MADD: variants seen among roughly 807,000 people sequenced by gnomAD.
The protein encoded by MADD is MAP kinase activating death domain.
Under a neutral mutation model 176.7 loss-of-function variants are expected in MADD, and 109 were observed. The observed-to-expected ratio is 0.62, with a 90% CI of 0.53 to 0.72. The LOEUF is 0.72. Among genes scored for constraint, MADD ranks in the 30% least tolerant of loss-of-function variants. The probability of loss-of-function intolerance (pLI) is 0.00; values close to 1 mark genes in which losing one functional copy is unlikely to be tolerated. For missense variants in MADD, 1,914 were observed against 2,045.5 expected (o/e 0.94, Z 1.24); for synonymous variants, 771 against 771.3 (o/e 1.00, Z 0.01).
At chr11:47,324,609 T>G in intron 30 of MADD, 32 bp downstream of exon 33, 1 of 1,471,710 alleles carries the variant, frequency 6.8e-7, no homozygotes, top group Non-Finnish European at 9.5e-7. Context: ...AGGCTCCCTG[T>G]CGTTCCATCT....
At chr11:47,293,292 C>T (rs989767401) in intron 19 of MADD, among the ~76,000 whole-genome samples, 1 of 151,126 alleles carries the variant, frequency 6.6e-6, no homozygotes, top group African/African-American at 2.4e-5. Flanking sequence ...GACATTTGTT[C>T]GTGGAGCTTT....
At chr11:47,282,081 C>T (rs1278812417) in intron 8 of MADD, among the ~76,000 whole-genome samples, 2 of 151,898 alleles carry the variant, frequency 1.3e-5, no homozygotes, top group Non-Finnish European at 2.9e-5. Context: ...TTGATCCACC[C>T]GCCTTGTCCT....
chr11:47,327,695 G>A, intron 31 of MADD: 1 of 985,454 alleles, frequency 1.0e-6, no homozygotes, highest in Non-Finnish European at 1.2e-6. Context: ...ATGGCCTGGG[G>A]CTTCTTGCTC....
chr11:47,320,376 A>G (rs1185769889), intron 27 of MADD, among the ~76,000 whole-genome samples: 1 of 151,704 alleles, frequency 6.6e-6, no homozygotes, highest in African/African-American at 2.4e-5. Flanking sequence ...AATTGTTTGA[A>G]CCTGGGAGGC....
intron 7 of MADD, among the ~76,000 whole-genome samples, chr11:47,279,454 G>C (rs2054139985): frequency 7.0e-6 from 1 of 143,880 alleles, no homozygotes; most frequent in Non-Finnish European, 1.5e-5. Context: ...GCGCGATCTC[G>C]GCTCACTGCA....
At chr11:47,287,185 G>T (rs182630306) in intron 15 of MADD, among the ~76,000 whole-genome samples, 1 of 152,300 alleles carries the variant, frequency 6.6e-6, no homozygotes, top group Admixed American at 6.5e-5. Flanking sequence ...TTAGCCATCT[G>T]GTGTCACGCA....
rs537779415 is a variant in MADD at position 47,278,533 on chromosome 11, G to A, written c.1209+255G>A. On this transcript the variant is annotated intron_variant, in intron 6 of 32. Transcript: ENST00000402192. Reference sequence around the variant, plus strand: ...AGTGACCCCCCACCATATCCTCCAAGAGCAGTCAGACAGTTGTGATCTGAG... The same window carrying A: ...AGTGACCCCCCACCATATCCTCCAAAAGCAGTCAGACAGTTGTGATCTGAG... Among the ~76,000 whole-genome samples the A allele has an allele frequency of 4.7e-4, 71 of 152,122 alleles. 1 individual carries two copies. Among genetic ancestry groups the A allele is most frequent in the Non-Finnish European group, 8.2e-4 (56 of 68,022 alleles).
intron 20 of MADD, among the ~76,000 whole-genome samples, chr11:47,294,669 CA>C (rs58253961): frequency 0.12 from 6,610 of 55,892 alleles, 43 homozygotes; most frequent in Non-Finnish European, 0.14. Flanking sequence ...GACTCCGTCT[CA>C]AAAAAAAAAA....
chr11:47,318,221 A>AT (rs1187394807), intron 27 of MADD, among the ~76,000 whole-genome samples: 1 of 152,196 alleles, frequency 6.6e-6, no homozygotes, highest in Non-Finnish European at 1.5e-5. Context: ...GACCTAAGTA[A>AT]TTTTAAGGAC....
At chr11:47,300,233 G>A (rs1326793147) in intron 22 of MADD, among the ~76,000 whole-genome samples, 1 of 143,062 alleles carries the variant, frequency 7.0e-6, no homozygotes, top group Non-Finnish European at 1.5e-5. Flanking sequence ...TTAAGACGGA[G>A]TCTTGCTCTG....
chr11:47,320,741 G>A (rs183338893), intron 27 of MADD, among the ~76,000 whole-genome samples: 17 of 152,096 alleles, frequency 1.1e-4, no homozygotes, highest in Non-Finnish European at 2.4e-4. Flanking sequence ...GGGCAACATA[G>A]GGAAACCCCG....
At chr11:47,284,203 G>T (rs558934952) in exon 11 of MADD, 1 of 1,613,802 alleles carries the variant, frequency 6.2e-7, no homozygotes, top group South Asian at 1.1e-5. Flanking sequence ...GGATTATGAC[G>T]ATTCAAGCTC....
intron 29 of MADD, 44 bp downstream of exon 32, chr11:47,324,381 G>A: frequency 6.2e-7 from 1 of 1,609,532 alleles, no homozygotes; most frequent in Non-Finnish European, 8.5e-7. Flanking sequence ...GTTTCTACCA[G>A]TCCTTCTGAG....
intron 3 of MADD, among the ~76,000 whole-genome samples, chr11:47,275,492 T>C (rs1477199485): frequency 1.3e-5 from 2 of 152,202 alleles, no homozygotes; most frequent in African/African-American, 4.8e-5. Context: ...GGTTTCGCCA[T>C]GTTGGCCAGG....
exon 3 of MADD, chr11:47,274,794 C>T: frequency 6.2e-7 from 1 of 1,614,228 alleles, no homozygotes; most frequent in Non-Finnish European, 8.5e-7. Context: ...TTAACTTCTA[C>T]CGCTCCTTCC....
chr11:47,324,416 A>G (rs773109907), intron 29 of MADD, 55 bp from the exon 33 acceptor site: 5 of 1,597,478 alleles, frequency 3.1e-6, no homozygotes, highest in South Asian at 1.1e-5. Context: ...CAGGGAAGTC[A>G]GGGGTGGGAT....
chr11:47,326,506 C>T (rs41310332), intron 30 of MADD, 38 bp from the exon 34 acceptor site: 136,601 of 1,349,116 alleles, frequency 0.1, 7,484 homozygotes, highest in South Asian at 0.11. Flanking sequence ...TTCAAACTAA[C>T]GCCTTCATTT....
intron 22 of MADD, among the ~76,000 whole-genome samples, chr11:47,298,158 G>A (rs1260336502): frequency 1.3e-5 from 2 of 152,142 alleles, no homozygotes; most frequent in Admixed American, 1.3e-4. Context: ...TTGGCAACGG[G>A]GCTAGCCTGC....
chr11:47,277,329 A>G (rs1565281755), intron 5 of MADD, among the ~76,000 whole-genome samples: 1 of 152,132 alleles, frequency 6.6e-6, no homozygotes, highest in Non-Finnish European at 1.5e-5. Flanking sequence ...GTCTCCCTCT[A>G]TCCCCCAGGC....
Sources: gnomAD v4.1 joint callset for allele counts (sites outside exome capture counted in the v4.1 genomes callset) on GRCh38, gnomAD v4.1.1 for gene constraint, MANE v1.5 for transcripts, NCBI Gene and HGNC (gene_info 2026-07-23, HGNC 2026-07-21) for gene names.